CECR2: variants seen among roughly 807,000 people sequenced by gnomAD.
CECR2 encodes chromatin remodeling regulator CECR2.
A neutral mutation model predicts 154.5 loss-of-function variants in CECR2; 30 were observed. The ratio of observed to expected loss-of-function variants is 0.19; its 90% CI spans 0.15 to 0.26. The LOEUF is 0.26. CECR2 is among the 10% of genes least tolerant of loss of function. CECR2 has a pLI of 1.00. For missense variants in CECR2, 1,743 were observed against 1,829.3 expected (o/e 0.95, Z 0.86); for synonymous variants, 725 against 683.7 (o/e 1.06, Z -0.94).
chr22:17,493,332 G>C (rs2055565072), intron 2 of CECR2, among the ~76,000 whole-genome samples: 1 of 152,114 alleles, frequency 6.6e-6, no homozygotes, highest in Non-Finnish European at 1.5e-5. Flanking sequence ...TCATTTTTCT[G>C]GGGGAGAAAG....
chr22:17,379,206 C>T (rs1213918914), intron 1 of CECR2, among the ~76,000 whole-genome samples: 1 of 152,176 alleles, frequency 6.6e-6, no homozygotes, highest in Non-Finnish European at 1.5e-5. Flanking sequence ...ATCAGCCCAC[C>T]TCAGCCTCCC....
chr22:17,505,534 CTTTTTTTTTTTTT>C (rs11387639), intron 7 of CECR2, among the ~76,000 whole-genome samples: 6 of 98,838 alleles, frequency 6.1e-5, no homozygotes, highest in African/African-American at 8.3e-5. Context: ...CCTCTTTTTC[CTTTTTTTTTTTTT>C]TTTTTTTTTT....
At chr22:17,400,431 G>A (rs1020936081) in intron 1 of CECR2, among the ~76,000 whole-genome samples, 3 of 152,210 alleles carry the variant, frequency 2.0e-5, no homozygotes, top group African/African-American at 7.2e-5. Flanking sequence ...GAAGATGCTT[G>A]CTGGGTGTTG....
rs2055231322 is a variant in CECR2, at chr22:17,477,613, A to G, written c.152A>G (p.Asp51Gly). 2 of 1,613,440 alleles carry G rather than the reference A, an allele frequency of 1.2e-6. No individual in the cohort carries two copies. Among genetic ancestry groups the G allele is most frequent in the Admixed American group, 3.3e-5 (2 of 60,010 alleles). ...IEELEAALHR[D>G]DVEFISDLIA... is the part of the protein sequence containing the mutation. ...GAGTTAGAAGCCGCTCTTCACAGAG[A>G]TGACGTGGAGTTTATCAGTGACCTG... is the stretch of plus-strand genomic sequence containing the variant. The change falls in exon 2 of 19, where the codon GAT becomes GGT. Residue 51 changes from aspartate to glycine, a missense_variant. Transcript: ENST00000262608.
chr22:17,516,351 C>T (rs2056055768), intron 8 of CECR2, among the ~76,000 whole-genome samples: 1 of 151,916 alleles, frequency 6.6e-6, no homozygotes, highest in Admixed American at 6.6e-5. Context: ...TGTGTGTACA[C>T]ATGGATGGCA....
At chr22:17,507,206 T>C (rs1431501015) in intron 7 of CECR2, among the ~76,000 whole-genome samples, 3 of 152,204 alleles carry the variant, frequency 2.0e-5, no homozygotes, top group Non-Finnish European at 1.5e-5. Context: ...GTTGATGCTT[T>C]AGGGAAAGTC....
intron 1 of CECR2, among the ~76,000 whole-genome samples, chr22:17,382,134 C>T (rs1038611674): frequency 6.6e-6 from 1 of 151,960 alleles, no homozygotes; most frequent in South Asian, 2.1e-4. Context: ...TTGTGATCCG[C>T]CCGCCTTGGC....
intron 7 of CECR2, among the ~76,000 whole-genome samples, chr22:17,510,614 T>G (rs1391118311): frequency 6.6e-6 from 1 of 152,210 alleles, no homozygotes; most frequent in Non-Finnish European, 1.5e-5. Flanking sequence ...CTTTCTTTCT[T>G]TTTTTGAGAT....
chr22:17,515,681 T>G (rs1217743193), intron 8 of CECR2, among the ~76,000 whole-genome samples: 1 of 151,516 alleles, frequency 6.6e-6, no homozygotes, highest in Non-Finnish European at 1.5e-5. Flanking sequence ...ACCAACCTTT[T>G]TTTTTTTTTT....
At chr22:17,487,240 G>A (rs551626867) in intron 2 of CECR2, among the ~76,000 whole-genome samples, 5 of 152,226 alleles carry the variant, frequency 3.3e-5, no homozygotes, top group South Asian at 2.1e-4. Flanking sequence ...AATACTTTAG[G>A]AATTTAACTA....
At chr22:17,478,007 T>C (rs2055239437) in intron 2 of CECR2, among the ~76,000 whole-genome samples, 1 of 152,234 alleles carries the variant, frequency 6.6e-6, no homozygotes, top group Non-Finnish European at 1.5e-5. Flanking sequence ...AAGTATTGCC[T>C]AAGAAATCAA....
rs187142053 is a variant in CECR2, at chr22:17,425,053, C to G, written c.127-52535C>G. On this transcript the variant is annotated intron_variant, in intron 1 of 18. Transcript: ENST00000262608. ...GTCTATTCTTGAAGCTTGGCTTTTA[C>G]GTTAACTATGCATTTACTTGCCTTT... Among the ~76,000 whole-genome samples, 631 of 152,266 alleles carry G rather than the reference C, an allele frequency of 4.1e-3. 3 individuals carry two copies. Among genetic ancestry groups the G allele is most frequent in the Non-Finnish European group, 5.6e-3 (384 of 68,028 alleles).
intron 1 of CECR2, among the ~76,000 whole-genome samples, chr22:17,390,078 T>C (rs1034281402): frequency 6.6e-6 from 1 of 152,200 alleles, no homozygotes; most frequent in African/African-American, 2.4e-5. Flanking sequence ...AAATATATTA[T>C]TATTTTAGAA....
At chr22:17,551,915 T>G in intron 17 of CECR2, 116 bp from the exon 18 acceptor site, 2 of 959,664 alleles carry the variant, frequency 2.1e-6, no homozygotes, top group Non-Finnish European at 3.2e-6. Context: ...TATGGATGAT[T>G]CCAGGCCTGA....
chr22:17,457,193 A>C (rs1225249802), intron 1 of CECR2, among the ~76,000 whole-genome samples: 1 of 152,134 alleles, frequency 6.6e-6, no homozygotes, highest in African/African-American at 2.4e-5. Context: ...ACGCCTGGCT[A>C]ATTTTGTATT....
In CECR2 at chr22:17,539,096, G is replaced by T; in HGVS notation, c.1472G>T (p.Arg491Leu). The T allele has an allele frequency of 6.2e-7, 1 of 1,613,656 alleles. No homozygotes were observed. Among genetic ancestry groups the T allele is most frequent in the Non-Finnish European group, 8.5e-7 (1 of 1,179,846 alleles). Reference protein sequence around the residue: ...NDMKTMFRNCRKYNGESSEYT... With the variant: ...NDMKTMFRNCLKYNGESSEYT... ...ATGAAGACCATGTTCAGGAATTGTCGAAAGTATAATGGGGAAAGTAGTGGT... is the reference window on the plus strand; with the variant it reads ...ATGAAGACCATGTTCAGGAATTGTCTAAAGTATAATGGGGAAAGTAGTGGT... Residue 491 changes from arginine (R) to leucine (L), a missense_variant, in exon 13 of 19, where the codon CGA becomes CTA. This residue lies in a region of CECR2 where 103 missense variants were observed against 166.8 expected (regional missense o/e 0.62). Transcript: ENST00000262608.
chr22:17,361,449 T>G (rs1169905428), intron 1 of CECR2, among the ~76,000 whole-genome samples: 2 of 151,032 alleles, frequency 1.3e-5, no homozygotes, highest in East Asian at 3.9e-4. Context: ...CACTCCAGCC[T>G]GGACGACAGA....
rs746739622 is a variant in CECR2 at position 17,538,704 on chromosome 22, T to C, written c.1341T>C (p.Tyr447=). The C allele has an allele frequency of 1.1e-5, 18 of 1,613,864 alleles. No individual in the cohort carries two copies. The highest frequency in any genetic ancestry group is 4.4e-5 in the South Asian group (4 of 91,096). ...TCTTGGAACCTGTGGATGAATCTTA[T>C]GCCCCTAACTATTATCAGATTATTA... ...WPFLEPVDES[Y]APNYYQIIKA... Residue 447 remains tyrosine (Y), a synonymous_variant, in exon 12 of 19, where the codon TAT becomes TAC. Transcript: ENST00000262608.
At chr22:17,498,684 T>C (rs2146875428) in intron 3 of CECR2, among the ~76,000 whole-genome samples, 1 of 152,318 alleles carries the variant, frequency 6.6e-6, no homozygotes, top group Non-Finnish European at 1.5e-5. Context: ...CAGGAGGTTA[T>C]GCCGGAACTG....
Sources: allele counts gnomAD v4.1 joint callset (sites outside exome capture counted in the v4.1 genomes callset), GRCh38; gene constraint gnomAD v4.1.1; regional missense constraint gnomAD v4.1.1; transcripts MANE v1.5; gene names NCBI Gene and HGNC (gene_info 2026-07-23, HGNC 2026-07-21).